ATP8B4: variants seen among roughly 807,000 people sequenced by gnomAD.
The protein encoded by ATP8B4 is ATPase phospholipid transporting 8B4 (putative).
ATP8B4 carries 133 observed loss-of-function variants against 145.6 expected under a neutral mutation model. The observed-to-expected ratio is 0.91, with a 90% confidence interval of 0.79 to 1.05. ATP8B4 has a LOEUF of 1.05. Ranked by LOEUF, ATP8B4 falls within the 50% of genes least tolerant of loss-of-function variation. The pLI, the probability that ATP8B4 is intolerant of heterozygous loss-of-function variation, is 0.00. For missense variants in ATP8B4, 1,458 were observed against 1,425.2 expected, an observed-to-expected ratio of 1.02 and a Z score of -0.37; for synonymous variants, 507 against 492.9, an observed-to-expected ratio of 1.03 and a Z score of -0.38.
intron 1 of ATP8B4, among the ~76,000 whole-genome samples, chr15:50,130,534 T>C (rs971776106): frequency 3.3e-5 from 5 of 151,984 alleles, no homozygotes; most frequent in African/African-American, 1.2e-4. Flanking sequence ...CCCGGCAGTT[T>C]GGGAGGCTGA....
intron 3 of ATP8B4, among the ~76,000 whole-genome samples, chr15:50,069,081 T>C (rs1489401307): frequency 6.6e-6 from 1 of 152,216 alleles, no homozygotes; most frequent in Non-Finnish European, 1.5e-5. Flanking sequence ...TCATTCCTAT[T>C]ATTAACCAAG....
intron 2 of ATP8B4, among the ~76,000 whole-genome samples, chr15:50,083,738 T>C (rs1200443248): frequency 6.6e-6 from 1 of 152,208 alleles, no homozygotes; most frequent in Non-Finnish European, 1.5e-5. Flanking sequence ...TTAATACGTA[T>C]TGGTTTCTGC....
chr15:50,040,630 C>G (rs904392573), intron 5 of ATP8B4, among the ~76,000 whole-genome samples: 3 of 152,164 alleles, frequency 2.0e-5, no homozygotes, highest in African/African-American at 7.2e-5. Flanking sequence ...ACTAGCTGAA[C>G]ATCACAGAAA....
At chr15:50,042,859 G>A (rs112747326) in intron 5 of ATP8B4, among the ~76,000 whole-genome samples, 359 of 152,128 alleles carry the variant, frequency 2.4e-3, no homozygotes, top group South Asian at 8.1e-3. Flanking sequence ...AAAACACTCC[G>A]TTAATCTAAA....
intron 20 of ATP8B4, among the ~76,000 whole-genome samples, chr15:49,907,427 T>C (rs2038740134): frequency 6.6e-6 from 1 of 152,218 alleles, no homozygotes; most frequent in South Asian, 2.1e-4. Flanking sequence ...AAGCTGTCTA[T>C]TTTATTCTAC....
intron 27 of ATP8B4, among the ~76,000 whole-genome samples, chr15:49,861,402 A>ATGTGTGTG (rs58396806): frequency 3.6e-4 from 36 of 99,244 alleles, no homozygotes; most frequent in Non-Finnish European, 5.4e-4. Context: ...TTAAAAAAAA[A>ATGTGTGTG]TGTGTGTGTG....
chr15:50,018,285 G>A (rs866136350), intron 6 of ATP8B4, among the ~76,000 whole-genome samples: 1 of 152,086 alleles, frequency 6.6e-6, no homozygotes, highest in African/African-American at 2.4e-5. Flanking sequence ...ACCAAGCTTG[G>A]CCCTAGAATT....
intron 13 of ATP8B4, among the ~76,000 whole-genome samples, chr15:49,968,027 C>T (rs2044713566): frequency 6.6e-6 from 1 of 152,138 alleles, no homozygotes; most frequent in Non-Finnish European, 1.5e-5. Flanking sequence ...CCAAACTAAG[C>T]TTCATAAGTG....
chr15:49,918,764 C>G (rs1458323922), intron 19 of ATP8B4, 75 bp downstream of exon 19: 2 of 1,048,474 alleles, frequency 1.9e-6, no homozygotes, highest in South Asian at 2.9e-5. Flanking sequence ...ATTAACCTTT[C>G]TGGTTAATTA....
chr15:50,066,078 A>G (rs1235492675), intron 3 of ATP8B4, among the ~76,000 whole-genome samples: 2 of 151,972 alleles, frequency 1.3e-5, no homozygotes, highest in Non-Finnish European at 2.9e-5. Flanking sequence ...TTAGCCAAAG[A>G]ATAACACTAT....
At chr15:49,947,010 G>C (rs998434071) in intron 14 of ATP8B4, among the ~76,000 whole-genome samples, 2 of 152,164 alleles carry the variant, frequency 1.3e-5, no homozygotes, top group Admixed American at 1.3e-4. Flanking sequence ...CCCCTGAAAG[G>C]CACACTGTAA....
intron 16 of ATP8B4, among the ~76,000 whole-genome samples, chr15:49,924,521 G>A (rs551935722): frequency 6.6e-6 from 1 of 152,154 alleles, no homozygotes; most frequent in South Asian, 2.1e-4. Flanking sequence ...TAACATAAAT[G>A]TTTACTATTA....
chr15:49,963,826 T>C (rs2044299520), intron 13 of ATP8B4, among the ~76,000 whole-genome samples: 1 of 152,078 alleles, frequency 6.6e-6, no homozygotes, highest in African/African-American at 2.4e-5. Context: ...TGGGATGATC[T>C]GTCTAGGAAA....
At chr15:50,084,807 G>A (rs1047752877) in intron 2 of ATP8B4, among the ~76,000 whole-genome samples, 4 of 152,008 alleles carry the variant, frequency 2.6e-5, no homozygotes, top group Non-Finnish European at 4.4e-5. Flanking sequence ...CTCTGCTTTC[G>A]TTGTCACATC....
chr15:50,170,411 T>C (rs965978754), intron 1 of ATP8B4, among the ~76,000 whole-genome samples: 1 of 152,140 alleles, frequency 6.6e-6, no homozygotes, highest in Non-Finnish European at 1.5e-5. Flanking sequence ...GAATTTTGTG[T>C]CCAGCAAAAC....
At chr15:49,956,750 T>C (rs1216375180) in intron 14 of ATP8B4, among the ~76,000 whole-genome samples, 1 of 152,156 alleles carries the variant, frequency 6.6e-6, no homozygotes, top group Admixed American at 6.5e-5. Flanking sequence ...TCTCACTATG[T>C]TGCCCAGGCT....
At chr15:50,165,970 A>AACACACACACACACACAC (rs149302745) in intron 1 of ATP8B4, among the ~76,000 whole-genome samples, 2 of 146,988 alleles carry the variant, frequency 1.4e-5, no homozygotes, top group Non-Finnish European at 3.0e-5. Flanking sequence ...AATCCCAGAG[A>AACACACACACACACACAC]ACACACACAC....
At chr15:50,181,037 A>G (rs1306522546) in intron 1 of ATP8B4, among the ~76,000 whole-genome samples, 2 of 152,104 alleles carry the variant, frequency 1.3e-5, no homozygotes, top group Admixed American at 6.5e-5. Context: ...TCCAAAACCC[A>G]CGAATTACTT....
At chr15:49,905,755 C>CT (rs1322578858) in intron 20 of ATP8B4, among the ~76,000 whole-genome samples, 2 of 151,390 alleles carry the variant, frequency 1.3e-5, no homozygotes, top group East Asian at 3.9e-4. Flanking sequence ...ATTTTTTTAG[C>CT]TTTTTTCTAA....
Sources: gnomAD v4.1 joint callset for allele counts (sites outside exome capture counted in the v4.1 genomes callset) on GRCh38, gnomAD v4.1.1 for gene constraint, MANE v1.5 for transcripts, NCBI Gene and HGNC (gene_info 2026-07-23, HGNC 2026-07-21) for gene names.